TFB2M: variants seen among roughly 807,000 people sequenced by gnomAD.
TFB2M encodes dimethyladenosine transferase 2, mitochondrial.
A neutral mutation model predicts 41.3 loss-of-function variants in TFB2M; 44 were observed. That is an observed-to-expected ratio of 1.07 (90% confidence interval 0.84 to 1.37). The LOEUF (loss-of-function observed/expected upper bound fraction) is 1.37. Among genes scored for constraint, TFB2M ranks in the 40% most tolerant of loss-of-function variants. The pLI is 0.00. For synonymous variants in TFB2M, 188 were observed against 176.8 expected, an observed-to-expected ratio of 1.06 and a Z score of -0.50; for missense variants, 496 against 490.2, an observed-to-expected ratio of 1.01 and a Z score of -0.11.
chr1:246,544,829 A>G (rs560913853), intron 6 of TFB2M, 148 bp from the exon 7 acceptor site: 226 of 664,460 alleles, frequency 3.4e-4, no homozygotes, highest in Middle Eastern at 1.3e-3. Flanking sequence ...TCTTGGAGAT[A>G]GAGTCTCACT....
At chr1:246,541,384 G>A (rs1658852534) in intron 7 of TFB2M, among the ~76,000 whole-genome samples, 182 bp from the exon 8 acceptor site, 1 of 151,682 alleles carries the variant, frequency 6.6e-6, no homozygotes. Flanking sequence ...TGGGAGGAGG[G>A]TGAAGGATAA....
chr1:246,564,360 TA>T lies in TFB2M; in HGVS notation c.387del (p.Phe129LeufsTer8). ...KVVALESDKTFIPHLESLGKN... is the reference protein window; with the variant it reads ...KVVALESDKTXIPHLESLGKN... Reference sequence around the variant, plus strand: ...TAAAAATATACCTCCAAATGTGGAATAAAAGTTTTGTCACTTTCGAGCGCAA... The same window carrying T: ...TAAAAATATACCTCCAAATGTGGAATAAAGTTTTGTCACTTTCGAGCGCAA... On this transcript the variant is annotated frameshift_variant, in exon 2 of 8. Transcript: ENST00000366514. LOFTEE classifies it high-confidence loss of function. 1 of 1,614,126 alleles carries T rather than the reference TA, an allele frequency of 6.2e-7. No individual in the cohort carries two copies. The highest frequency in any genetic ancestry group is 8.5e-7 in the Non-Finnish European group (1 of 1,179,946).
chr1:246,546,246 A>G (rs528862374), intron 6 of TFB2M, among the ~76,000 whole-genome samples: 1 of 151,388 alleles, frequency 6.6e-6, no homozygotes, highest in Non-Finnish European at 1.5e-5. Context: ...CGGGAGTTTG[A>G]GGCTGCAGTA....
At chr1:246,546,978 CACACAT>C (rs1351012509) in intron 6 of TFB2M, among the ~76,000 whole-genome samples, 7 of 116,700 alleles carry the variant, frequency 6.0e-5, no homozygotes, top group Non-Finnish European at 9.2e-5. Context: ...CACACACACA[CACACAT>C]TTTTTTTTTT....
At chr1:246,554,505 T>A (rs3129580) in intron 4 of TFB2M, among the ~76,000 whole-genome samples, 45,237 of 139,032 alleles carry the variant, frequency 0.33, 7,148 homozygotes, top group African/African-American at 0.4. Flanking sequence ...ATGCGAAGGA[T>A]CTGGGTTTTG....
intron 2 of TFB2M, among the ~76,000 whole-genome samples, chr1:246,562,632 G>A (rs1659483903): frequency 1.3e-5 from 2 of 151,820 alleles, no homozygotes; most frequent in African/African-American, 4.8e-5. Flanking sequence ...AAAAACCACT[G>A]TTAATAAGGC....
chr1:246,562,697 T>G (rs938115346), intron 2 of TFB2M, among the ~76,000 whole-genome samples: 2 of 151,674 alleles, frequency 1.3e-5, no homozygotes, highest in Non-Finnish European at 2.9e-5. Context: ...TGTAGCTCAG[T>G]CGCCCAGGCT....
At chr1:246,544,787 G>T (rs1315201891) in intron 6 of TFB2M, 106 bp from the exon 7 acceptor site, 1 of 916,578 alleles carries the variant, frequency 1.1e-6, no homozygotes, top group African/African-American at 1.7e-5. Flanking sequence ...AATCACCACA[G>T]GCCCTGAGTG....
intron 1 of TFB2M, among the ~76,000 whole-genome samples, 177 bp downstream of exon 1, chr1:246,565,649 T>C (rs1044413808): frequency 3.3e-5 from 5 of 151,962 alleles, no homozygotes; most frequent in Non-Finnish European, 5.9e-5. Flanking sequence ...TACGCGGAGG[T>C]TGCAGGGAGC....
In TFB2M at chr1:246,557,397, T is replaced by C. The variant is rs1472734675; in HGVS notation, c.540A>G (p.Ala180=). ...AAAAATGACCTGCTGTCCAAGGAAC[T>C]GCTTCTATTCCCAAATTCTTAAAGA... is the stretch of plus-strand genomic sequence containing the variant. ...RGLFKNLGIE[A]VPWTADIPLK... is the part of the protein sequence containing the mutation. The change falls in exon 3 of 8, where the codon GCA becomes GCG. Residue 180 remains alanine, a synonymous_variant. Transcript: ENST00000366514. 4 of 1,612,466 alleles carry C rather than the reference T, an allele frequency of 2.5e-6. No individual in the cohort carries two copies. Among genetic ancestry groups the C allele is most frequent in the Middle Eastern group, 1.7e-4 (1 of 6,060 alleles).
At chr1:246,541,249 T>G in intron 7 of TFB2M, 47 bp from the exon 8 acceptor site, 1 of 1,568,452 alleles carries the variant, frequency 6.4e-7, no homozygotes, top group Non-Finnish European at 8.7e-7. Flanking sequence ...TTCTCATGCA[T>G]CTATCAGTTC....
At chr1:246,551,815 C>T (rs1659192542) in intron 4 of TFB2M, among the ~76,000 whole-genome samples, 1 of 152,222 alleles carries the variant, frequency 6.6e-6, no homozygotes, top group African/African-American at 2.4e-5. Flanking sequence ...GAGGCATGGG[C>T]CAGTGGAATA....
Position 246,566,152 on chromosome 1 carries a change from A to C in TFB2M, c.-14T>G. Reference sequence around the variant, plus strand: ...TGGGATCCACATGTCCTTGTCTCTCAGGCCCGCTCCAAGAATCACCTAGTG... The same window carrying C: ...TGGGATCCACATGTCCTTGTCTCTCCGGCCCGCTCCAAGAATCACCTAGTG... On this transcript the variant is annotated 5_prime_UTR_variant, in exon 1 of 8. Transcript: ENST00000366514. 1 of 1,596,578 alleles carries C rather than the reference A, an allele frequency of 6.3e-7. No individual in the cohort carries two copies. The highest frequency in any genetic ancestry group is 1.1e-5 in the South Asian group (1 of 90,582).
At position 246,548,573 on chromosome 1, in the gene TFB2M, T is replaced by G. The variant is rs367762353; in HGVS notation, c.830A>C (p.Lys277Thr). Residue 277 changes from lysine (K) to threonine (T), a missense_variant, in exon 6 of 8, where the codon AAA becomes ACA. By Grantham distance (78) the Lys-to-Thr change is moderately conservative. Transcript: ENST00000366514. The stretch of plus-strand genomic sequence containing the variant: ...ACGCTTTGGGTTTTCCAGCGGCCCT[T>G]TCCGGGTGTATATATCAAATGATGA... ...PWSSFDIYTR[K>T]GPLENPKRRE... 1.4e-4 allele frequency: 227 copies of G among 1,613,424 alleles called. No individual in the cohort carries two copies. Among genetic ancestry groups the G allele is most frequent in the Non-Finnish European group, 1.8e-4 (209 of 1,179,812 alleles).
In TFB2M at chr1:246,566,218, A is replaced by G; in HGVS notation, c.-80T>C. The G allele has an allele frequency of 6.9e-7, 1 of 1,449,092 alleles. No individual in the cohort carries two copies. 89.8% of individuals were successfully genotyped at this position (1,449,092 alleles called of 1,614,324 possible). On this transcript the variant is annotated 5_prime_UTR_variant, in exon 1 of 8. Transcript: ENST00000366514. ...ACCCCACGCAGGGTATCCCACGTGG[A>G]ACATTTTCTGGCGTCCGGGCCAGGT...
chr1:246,542,310 A>G (rs1429301329), intron 7 of TFB2M, among the ~76,000 whole-genome samples: 2 of 151,522 alleles, frequency 1.3e-5, no homozygotes, highest in Non-Finnish European at 2.9e-5. Context: ...ATACCATAAT[A>G]TGAGGTACAT....
chr1:246,557,255 A>G, intron 3 of TFB2M, 126 bp downstream of exon 3: 1 of 1,080,364 alleles, frequency 9.3e-7, no homozygotes, highest in Admixed American at 2.5e-5. Flanking sequence ...CCTGGGTGAC[A>G]GAGTGAGACT....
chr1:246,565,949 C>T lies in TFB2M; in HGVS notation c.190G>A (p.Ala64Thr), dbSNP rs143880306. The T allele has an allele frequency of 6.0e-3, 9,679 of 1,614,216 alleles. 45 individuals are homozygous for T. Among genetic ancestry groups the T allele is most frequent in the Middle Eastern group, 0.012 (71 of 6,062 alleles). ...EPDFRNPPRKASKASLDFKRY... is the reference protein window; with the variant it reads ...EPDFRNPPRKTSKASLDFKRY... ...TTAAAGTCTAAGCTGGCCTTAGACG[C>T]CTTCCTTGGCGGATTCCTGAAATCC... Residue 64 changes from alanine to threonine, a missense_variant, in exon 1 of 8, where the codon GCG (alanine) becomes ACG (threonine). Coordinates refer to ENST00000366514, the MANE Select transcript of TFB2M (RefSeq NM_022366.3).
At chr1:246,563,261 CAT>C (rs1572093335) in intron 2 of TFB2M, among the ~76,000 whole-genome samples, 4 of 149,796 alleles carry the variant, frequency 2.7e-5, no homozygotes, top group Middle Eastern at 6.8e-3. Flanking sequence ...GTTAAGCACT[CAT>C]GTGTGAATAA....
Sources: gnomAD v4.1 joint callset for allele counts (sites outside exome capture counted in the v4.1 genomes callset) on GRCh38, gnomAD v4.1.1 for gene constraint, MANE v1.5 for transcripts, NCBI Gene and HGNC (gene_info 2026-07-23, HGNC 2026-07-21) for gene names.